DNAH9: variants seen among roughly 807,000 people sequenced by gnomAD.
DNAH9 encodes the protein DNAH9 variant protein.
Under a neutral mutation model 471.6 loss-of-function variants are expected in DNAH9, and 345 were observed. The observed-to-expected ratio is 0.73, with a 90% CI of 0.67 to 0.80. DNAH9 has a LOEUF of 0.80. DNAH9 is among the 30% of genes least tolerant of loss of function. The pLI, the probability that DNAH9 is intolerant of heterozygous loss-of-function variation, is 0.00. For missense variants in DNAH9, 5,407 were observed against 5,609.2 expected, an observed-to-expected ratio of 0.96 and a Z score of 1.15; for synonymous variants, 2,093 against 2,123.6, an observed-to-expected ratio of 0.99 and a Z score of 0.40.
chr17:11,775,645 C>T (rs1220391793), intron 38 of DNAH9, among the ~76,000 whole-genome samples: 1 of 144,796 alleles, frequency 6.9e-6, no homozygotes, highest in East Asian at 2.0e-4. Context: ...TGCTCTGTCC[C>T]CCAGGCTGGA....
chr17:11,907,810 C>T (rs1973659305), intron 61 of DNAH9, among the ~76,000 whole-genome samples: 1 of 152,108 alleles, frequency 6.6e-6, no homozygotes, highest in Admixed American at 6.5e-5. Context: ...CAGCACCAGC[C>T]CTCCAGATAC....
intron 45 of DNAH9, 128 bp from the exon 46 acceptor site, chr17:11,821,792 C>A: frequency 9.9e-7 from 1 of 1,014,726 alleles, no homozygotes. Context: ...CCAGCTTCAC[C>A]AGCAAGAGAG....
At chr17:11,610,903 C>T (rs2150640809) in intron 3 of DNAH9, among the ~76,000 whole-genome samples, 1 of 152,308 alleles carries the variant, frequency 6.6e-6, no homozygotes, top group South Asian at 2.1e-4. Flanking sequence ...GCTGAGGCCA[C>T]ATGCACACAC....
chr17:11,824,345 G>T (rs756073400), intron 48 of DNAH9, among the ~76,000 whole-genome samples: 5 of 152,142 alleles, frequency 3.3e-5, no homozygotes, highest in African/African-American at 1.2e-4. Flanking sequence ...TCTTGATTCA[G>T]AAGTATTAAA....
chr17:11,935,436 C>T (rs917678171), intron 65 of DNAH9, among the ~76,000 whole-genome samples: 2 of 147,656 alleles, frequency 1.4e-5, no homozygotes, highest in African/African-American at 2.5e-5. Flanking sequence ...AGTGGAATAG[C>T]GCGATCTCGG....
intron 4 of DNAH9, among the ~76,000 whole-genome samples, chr17:11,616,880 AG>A (rs2072757595): frequency 2.0e-5 from 3 of 152,288 alleles, no homozygotes; most frequent in Admixed American, 2.0e-4. Flanking sequence ...TATTCATCAG[AG>A]CCACCACCAT....
intron 55 of DNAH9, 63 bp downstream of exon 55, chr17:11,881,476 A>G (rs1252109229): frequency 2.0e-6 from 3 of 1,505,506 alleles, no homozygotes; most frequent in Non-Finnish European, 2.7e-6. Context: ...ACTCTGGGAG[A>G]GGTTGCAGAG....
intron 68 of DNAH9, among the ~76,000 whole-genome samples, chr17:11,965,513 C>A (rs1346138443): frequency 6.6e-6 from 1 of 152,122 alleles, no homozygotes; most frequent in Non-Finnish European, 1.5e-5. Context: ...TGCAGAGTGG[C>A]CACATTATTT....
chr17:11,686,590 G>T (rs1400730826), intron 19 of DNAH9, among the ~76,000 whole-genome samples: 1 of 152,150 alleles, frequency 6.6e-6, no homozygotes, highest in Non-Finnish European at 1.5e-5. Context: ...CTTAGGCCAA[G>T]TTGGTTTTTA....
Position 11,854,447 on chromosome 17 carries a change from C to T in DNAH9, c.9933+19C>T. On this transcript the variant is annotated intron_variant, in intron 50 of 68. Coordinates refer to ENST00000262442, the MANE Select transcript of DNAH9 (RefSeq NM_001372.4). The stretch of plus-strand genomic sequence containing the variant: ...GATCGCTGTGAGTGACCCCAGAGCC[C>T]CTCACCCTGCTAGTCCGCCTCCAAT... 6.3e-7 allele frequency: 1 copy of T among 1,597,310 alleles called. No individual in the cohort carries two copies.
chr17:11,655,009 G>A (rs2073608737), intron 14 of DNAH9, among the ~76,000 whole-genome samples: 1 of 151,924 alleles, frequency 6.6e-6, no homozygotes, highest in Non-Finnish European at 1.5e-5. Flanking sequence ...AATATTTTTA[G>A]ACAAAAACCA....
At chr17:11,756,527 C>A (rs530691267) in intron 33 of DNAH9, 41 bp from the exon 34 acceptor site, 1 of 1,177,828 alleles carries the variant, frequency 8.5e-7, no homozygotes, top group Admixed American at 1.7e-5. Context: ...CAAGGCACCT[C>A]CCTCCTTCCT....
At chr17:11,787,599 T>C (rs1032306021) in intron 41 of DNAH9, among the ~76,000 whole-genome samples, 5 of 152,232 alleles carry the variant, frequency 3.3e-5, no homozygotes, top group Admixed American at 2.0e-4. Flanking sequence ...AGAACTTCTC[T>C]GTACTCCCCT....
chr17:11,894,831 T>C (rs1973173389), intron 59 of DNAH9, among the ~76,000 whole-genome samples: 2 of 152,278 alleles, frequency 1.3e-5, no homozygotes, highest in South Asian at 2.1e-4. Context: ...CTGGGGTTGA[T>C]GTGGAGAGGC....
At position 11,932,824 on chromosome 17, in the gene DNAH9, T is replaced by C. The variant is rs897880559; in HGVS notation, c.12297+619T>C. Among the ~76,000 whole-genome samples, 6 of 110,458 alleles carry C rather than the reference T, an allele frequency of 5.4e-5. No individual in the cohort carries two copies. The highest frequency in any genetic ancestry group is 1.0e-4 in the African/African-American group (3 of 29,438). 72.5% of individuals were successfully genotyped at this position (110,458 alleles called of 152,430 possible). Reference sequence around the variant, plus strand: ...ACCTATGTCTTCACAGCATGGCAGGTAGACTGTGATCAGCAGGAAGAGACT... The same window carrying C: ...ACCTATGTCTTCACAGCATGGCAGGCAGACTGTGATCAGCAGGAAGAGACT... On this transcript the variant is annotated intron_variant, in intron 64 of 68. Transcript: ENST00000262442. This position sits in a 1 kb window ranked among gnomAD's most constrained non-coding sequence, Gnocchi z 4.3.
intron 48 of DNAH9, among the ~76,000 whole-genome samples, chr17:11,832,024 C>G (rs1970702208): frequency 2.6e-5 from 4 of 152,294 alleles, no homozygotes; most frequent in Admixed American, 2.6e-4. Flanking sequence ...CTCAACCTTC[C>G]CATCCAAGTG....
At chr17:11,765,500 C>A (rs527296495) in intron 36 of DNAH9, among the ~76,000 whole-genome samples, 17 of 152,330 alleles carry the variant, frequency 1.1e-4, no homozygotes, top group African/African-American at 3.6e-4. Flanking sequence ...GTCCTACCAA[C>A]CATCACTCCC....
chr17:11,755,999 C>T (rs1755416984), intron 33 of DNAH9, among the ~76,000 whole-genome samples: 1 of 152,066 alleles, frequency 6.6e-6, no homozygotes, highest in South Asian at 2.1e-4. Flanking sequence ...ACCATCAGAT[C>T]GACCTGGCGT....
intron 26 of DNAH9, among the ~76,000 whole-genome samples, chr17:11,714,840 A>G (rs918165004): frequency 9.9e-5 from 15 of 152,170 alleles, no homozygotes; most frequent in African/African-American, 3.6e-4. Flanking sequence ...TCCCCTGGCC[A>G]ACAGGGACCT....
Sources: gnomAD v4.1 joint callset for allele counts (sites outside exome capture counted in the v4.1 genomes callset) on GRCh38, gnomAD v4.1.1 for gene constraint, Gnocchi (gnomAD v3.1) non-coding constraint, MANE v1.5 for transcripts, NCBI Gene and HGNC (gene_info 2026-07-23, HGNC 2026-07-21) for gene names.